The following ATG7 variants were observed in gnomAD, a reference collection of about 807,000 sequenced individuals.
The protein encoded by ATG7 is ubiquitin-like modifier-activating enzyme ATG7.
Under a neutral mutation model 82.4 loss-of-function variants are expected in ATG7, and 70 were observed. The ratio of observed to expected loss-of-function variants is 0.85; its 90% CI spans 0.70 to 1.04. The LOEUF (loss-of-function observed/expected upper bound fraction) is 1.04. Among genes scored for constraint, ATG7 ranks in the 50% least tolerant of loss-of-function variants. The probability of loss-of-function intolerance (pLI) is 0.00; values close to 1 mark genes in which losing one functional copy is unlikely to be tolerated. For synonymous variants in ATG7, 287 were observed against 313.0 expected (o/e 0.92, Z 0.88); for missense variants, 792 against 864.3 (o/e 0.92, Z 1.05).
chr3:11,470,327 C>T (rs1027577046), intron 20 of ATG7, among the ~76,000 whole-genome samples: 7 of 152,198 alleles, frequency 4.6e-5, no homozygotes, highest in African/African-American at 1.7e-4. Flanking sequence ...CTATATGGTC[C>T]AGCCTATTGC....
chr3:11,445,958 C>A (rs765573950), intron 20 of ATG7, among the ~76,000 whole-genome samples: 3 of 152,076 alleles, frequency 2.0e-5, no homozygotes, highest in Non-Finnish European at 4.4e-5. Context: ...TTCTCTACTT[C>A]AACTCCAAAA....
At chr3:11,552,385 A>G (rs2071887141) in intron 20 of ATG7, among the ~76,000 whole-genome samples, 1 of 152,196 alleles carries the variant, frequency 6.6e-6, no homozygotes, top group Admixed American at 6.5e-5. Flanking sequence ...CCAGTTTACT[A>G]TGATCTTCAC....
At chr3:11,316,699 T>C (rs1478351673) in intron 9 of ATG7, among the ~76,000 whole-genome samples, 4 of 152,202 alleles carry the variant, frequency 2.6e-5, no homozygotes, top group Non-Finnish European at 5.9e-5. Flanking sequence ...TCAATAAAAT[T>C]CTTTTGAGTG....
intron 18 of ATG7, among the ~76,000 whole-genome samples, chr3:11,367,535 C>G (rs1025673334): frequency 2.0e-5 from 3 of 152,146 alleles, no homozygotes; most frequent in African/African-American, 7.2e-5. Context: ...CCTGTGCTCT[C>G]TGGGTCTCTG....
intron 19 of ATG7, among the ~76,000 whole-genome samples, chr3:11,389,228 G>A (rs1575970377): frequency 1.2e-5 from 1 of 81,934 alleles, no homozygotes; most frequent in Admixed American, 1.8e-4. Context: ...GAGAGACCCT[G>A]TCTCAAAAAA....
chr3:11,537,885 C>T (rs545508283), intron 20 of ATG7, among the ~76,000 whole-genome samples: 2 of 152,202 alleles, frequency 1.3e-5, no homozygotes, highest in Non-Finnish European at 2.9e-5. Context: ...TGGTAGAGCC[C>T]GGATCCAAAA....
chr3:11,328,906 G>A (rs1951250733), intron 9 of ATG7, among the ~76,000 whole-genome samples: 1 of 152,172 alleles, frequency 6.6e-6, no homozygotes, highest in African/African-American at 2.4e-5. Flanking sequence ...GGCCAACATG[G>A]CGTAACCCCG....
At chr3:11,551,115 G>C (rs1336897912) in intron 20 of ATG7, among the ~76,000 whole-genome samples, 1 of 152,160 alleles carries the variant, frequency 6.6e-6, no homozygotes, top group African/African-American at 2.4e-5. Flanking sequence ...TAAAATCCTT[G>C]ATTTCCACAT....
rs61176051 is a variant in ATG7 at position 11,378,027 on chromosome 3, A to ATTTTT, written c.1876-1931_1876-1927dup. Among the ~76,000 whole-genome samples the ATTTTT allele has an allele frequency of 9.1e-3, 842 of 92,690 alleles. 65 individuals are homozygous for ATTTTT. Among genetic ancestry groups the ATTTTT allele is most frequent in the Middle Eastern group, 0.018 (3 of 170 alleles). The allele number at this position is 92,690 out of a possible 152,430, so 60.8% of individuals were successfully genotyped here. On this transcript the variant is annotated intron_variant, in intron 18 of 20. Coordinates refer to ENST00000693202, the MANE Select transcript of ATG7 (RefSeq NM_001349232.2). Reference sequence around the variant, plus strand: ...GCTATCTAACTTATACCAGTTACCAATTTTTTTTTTTTTTTTTTGAGATGG... The same window carrying ATTTTT: ...GCTATCTAACTTATACCAGTTACCAATTTTTTTTTTTTTTTTTTTTTTTGAGATGG...
chr3:11,324,268 A>C (rs1317283775), intron 9 of ATG7, among the ~76,000 whole-genome samples: 1 of 152,204 alleles, frequency 6.6e-6, no homozygotes, highest in Non-Finnish European at 1.5e-5. Context: ...ATTTTTTAAA[A>C]AATTCTGTTT....
intron 14 of ATG7, among the ~76,000 whole-genome samples, chr3:11,356,945 T>C (rs142622471): frequency 0.025 from 3,884 of 152,318 alleles, 66 homozygotes; most frequent in Middle Eastern, 0.037. Context: ...CCTTTCCTGC[T>C]TTGCTTGCCA....
chr3:11,420,090 C>A (rs1576287763), intron 19 of ATG7, among the ~76,000 whole-genome samples: 4 of 152,076 alleles, frequency 2.6e-5, no homozygotes, highest in Admixed American at 2.0e-4. Context: ...TTTTCATTTT[C>A]TTTTCTTTTT....
chr3:11,530,051 G>A (rs746631312), intron 20 of ATG7, among the ~76,000 whole-genome samples: 4 of 152,164 alleles, frequency 2.6e-5, no homozygotes, highest in South Asian at 2.1e-4. Context: ...CAGAGGTGTC[G>A]TTGGCTTTTT....
At chr3:11,336,268 G>A (rs7625309) in intron 11 of ATG7, among the ~76,000 whole-genome samples, 16 of 151,164 alleles carry the variant, frequency 1.1e-4, no homozygotes, top group Non-Finnish European at 1.5e-4. Flanking sequence ...TCCTGAGCTC[G>A]GGCAATCTGC....
At chr3:11,494,243 C>T (rs150717420) in intron 20 of ATG7, among the ~76,000 whole-genome samples, 2 of 152,184 alleles carry the variant, frequency 1.3e-5, no homozygotes, top group East Asian at 1.9e-4. Context: ...TGCAGGAAAA[C>T]AGGAATTAGG....
At position 11,509,291 on chromosome 3, in the gene ATG7, C is replaced by T. The variant is rs574504510; in HGVS notation, c.2080-45520C>T. Among the ~76,000 whole-genome samples the T allele has an allele frequency of 2.0e-5, 3 of 152,182 alleles. No homozygotes were observed. The East Asian group carries it at 5.8e-4, about 29-fold the overall frequency. On this transcript the variant is annotated intron_variant, in intron 20 of 20. Transcript: ENST00000693202. ...CGGCAGGAGGGAGCCGAGCTGTTCC[C>T]GGCCCAGATAACACTTAAAGGGCCA...
intron 20 of ATG7, among the ~76,000 whole-genome samples, chr3:11,428,951 G>C (rs2152947796): frequency 6.6e-6 from 1 of 152,280 alleles, no homozygotes; most frequent in South Asian, 2.1e-4. Flanking sequence ...AAGACTTAGA[G>C]AAAGTTTAAA....
downstream of ATG7, chr3:11,558,818 G>A (rs1385753534): frequency 6.2e-7 from 1 of 1,610,842 alleles, no homozygotes; most frequent in Non-Finnish European, 8.5e-7. Context: ...GGGGTCACAG[G>A]TGGTGGCAGC....
chr3:11,550,647 C>T (rs536748268), intron 20 of ATG7, among the ~76,000 whole-genome samples: 39 of 152,324 alleles, frequency 2.6e-4, no homozygotes, highest in Non-Finnish European at 4.6e-4. Flanking sequence ...ATCCTCCCGC[C>T]TCAGCCTCCC....
Sources: gnomAD v4.1 joint callset for allele counts (sites outside exome capture counted in the v4.1 genomes callset) on GRCh38, gnomAD v4.1.1 for gene constraint, MANE v1.5 for transcripts, NCBI Gene and HGNC (gene_info 2026-07-23, HGNC 2026-07-21) for gene names.